The following PRICKLE2 variants were observed in gnomAD, a reference collection of about 807,000 sequenced individuals.
The protein encoded by PRICKLE2 is prickle planar cell polarity protein 2.
PRICKLE2 carries 21 observed loss-of-function variants against 81.4 expected under a neutral mutation model. That is an observed-to-expected ratio of 0.26 (90% confidence interval 0.18 to 0.37). The LOEUF (loss-of-function observed/expected upper bound fraction) is 0.37. Ranked by LOEUF, PRICKLE2 falls within the 10% of genes least tolerant of loss-of-function variation. The pLI is 1.00. For missense variants in PRICKLE2, 940 were observed against 1,109.0 expected, an observed-to-expected ratio of 0.85 and a Z score of 2.16; for synonymous variants, 456 against 421.5, an observed-to-expected ratio of 1.08 and a Z score of -1.00.
chr3:64,117,617 T>G (rs1406681121), intron 7 of PRICKLE2, among the ~76,000 whole-genome samples: 2 of 152,002 alleles, frequency 1.3e-5, no homozygotes, highest in African/African-American at 4.8e-5. Flanking sequence ...ACAAAAAGAA[T>G]ACATTACCTA....
chr3:64,161,597 A>G (rs903513025), intron 3 of PRICKLE2, among the ~76,000 whole-genome samples: 1 of 152,124 alleles, frequency 6.6e-6, no homozygotes, highest in African/African-American at 2.4e-5. Context: ...ATTCCTACCA[A>G]TGGGACATTG....
rs112456996 is a variant in PRICKLE2, at chr3:64,235,923, C to T, written c.129-36956G>A. Among the ~76,000 whole-genome samples the T allele has an allele frequency of 6.1e-3, 923 of 151,928 alleles. 11 individuals are homozygous for T. Among genetic ancestry groups the T allele is most frequent in the African/African-American group, 0.021 (854 of 41,420 alleles). On this transcript the variant is annotated intron_variant, in intron 2 of 8. Coordinates refer to the PRICKLE2 transcript ENST00000295902. ...GTGGAGTTTCCATCACACTGATCTGCGTTGTGTGTGTGTAGTTGGGGGAGG... is the reference window on the plus strand; with the variant it reads ...GTGGAGTTTCCATCACACTGATCTGTGTTGTGTGTGTGTAGTTGGGGGAGG...
chr3:64,266,932 G>C, intron 2 of PRICKLE2, among the ~76,000 whole-genome samples: 1 of 126,812 alleles, frequency 7.9e-6, no homozygotes, highest in African/African-American at 3.2e-5. Flanking sequence ...TCTTCCAGCT[G>C]CCTCATCTTA....
intron 1 of PRICKLE2, among the ~76,000 whole-genome samples, chr3:64,201,207 G>T (rs1053806964): frequency 6.6e-6 from 1 of 152,150 alleles, no homozygotes; most frequent in Non-Finnish European, 1.5e-5. Flanking sequence ...AGGATTACAG[G>T]CATGAGCCAC....
At chr3:64,226,441 C>T (rs928002033), upstream of PRICKLE2, among the ~76,000 whole-genome samples, 5 of 152,168 alleles carry the variant, frequency 3.3e-5, no homozygotes, top group African/African-American at 1.2e-4. Flanking sequence ...GTGGGATCTT[C>T]AATAACCTCA....
chr3:64,240,846 G>A (rs917032890), intron 2 of PRICKLE2, among the ~76,000 whole-genome samples: 1 of 152,146 alleles, frequency 6.6e-6, no homozygotes, highest in African/African-American at 2.4e-5. Context: ...TTCATTTGGA[G>A]AACCAATGGT....
intron 1 of PRICKLE2, among the ~76,000 whole-genome samples, chr3:64,203,289 A>G (rs1371462704): frequency 1.3e-5 from 2 of 152,186 alleles, no homozygotes; most frequent in Non-Finnish European, 2.9e-5. Flanking sequence ...TAACTCTTTA[A>G]TTAATCAGCT....
chr3:64,193,463 A>G (rs753336160), intron 2 of PRICKLE2, among the ~76,000 whole-genome samples: 1 of 152,224 alleles, frequency 6.6e-6, no homozygotes, highest in Non-Finnish European at 1.5e-5. Flanking sequence ...CTATCGAACC[A>G]TTACAAAGGA....
chr3:64,123,846 A>G (rs746586183), intron 7 of PRICKLE2, among the ~76,000 whole-genome samples: 7 of 152,246 alleles, frequency 4.6e-5, no homozygotes, highest in African/African-American at 1.7e-4. Context: ...TCTCAGGTCT[A>G]TTTCCTGAGA....
At chr3:64,176,605 TA>T (rs1217689385) in intron 2 of PRICKLE2, among the ~76,000 whole-genome samples, 1 of 152,220 alleles carries the variant, frequency 6.6e-6, no homozygotes, top group African/African-American at 2.4e-5. Flanking sequence ...GACTGGAGCT[TA>T]CTGATCACAG....
chr3:64,119,040 A>G (rs931271302), intron 7 of PRICKLE2, among the ~76,000 whole-genome samples: 2 of 152,248 alleles, frequency 1.3e-5, no homozygotes, highest in Admixed American at 1.3e-4. Flanking sequence ...CTATGCAGCC[A>G]TAAAAAAGAA....
intron 2 of PRICKLE2, among the ~76,000 whole-genome samples, chr3:64,236,920 T>A (rs1173450658): frequency 6.6e-6 from 1 of 152,222 alleles, no homozygotes. Context: ...TAATCATAGA[T>A]CTTCCCACTT....
In PRICKLE2 at chr3:64,147,810, G is replaced by T; in HGVS notation, c.788-108C>A. ...TGTCTCAGGATTCCAGGTGCGGCAG[G>T]ATAAACTGTCAATAAATCAACAATC... On this transcript the variant is annotated intron_variant, in intron 6 of 7. Coordinates refer to ENST00000638394, the MANE Select transcript of PRICKLE2 (RefSeq NM_198859.4). This position sits in a 1 kb window ranked among gnomAD's most constrained non-coding sequence, Gnocchi z 5.0. 8.5e-7 allele frequency: 1 copy of T among 1,172,734 alleles called. No homozygotes were observed. Among genetic ancestry groups the T allele is most frequent in the Non-Finnish European group, 1.3e-6 (1 of 789,964 alleles). 72.6% of individuals were successfully genotyped at this position (1,172,734 alleles called of 1,614,324 possible). A position where few individuals can be genotyped will look rare whatever the true frequency, so the allele number is the denominator to read the frequency against.
At chr3:64,213,638 C>T (rs535501754) in intron 1 of PRICKLE2, among the ~76,000 whole-genome samples, 85 of 152,216 alleles carry the variant, frequency 5.6e-4, no homozygotes, top group Admixed American at 1.9e-3. Flanking sequence ...ACTCATTTTC[C>T]CCTGAGCCCA....
At chr3:64,236,243 G>C (rs1398565868) in intron 2 of PRICKLE2, among the ~76,000 whole-genome samples, 1 of 152,078 alleles carries the variant, frequency 6.6e-6, no homozygotes, top group Non-Finnish European at 1.5e-5. Flanking sequence ...GCTGCTTTAT[G>C]TCAGTTTTAT....
intron 2 of PRICKLE2, chr3:64,190,398 T>TC (rs1176458409): frequency 2.9e-5 from 2 of 68,252 alleles, no homozygotes; most frequent in Non-Finnish European, 7.8e-5. Flanking sequence ...CACTATGTTT[T>TC]TTTAAAAAAA....
At chr3:64,245,872 T>C (rs1309835759) in intron 2 of PRICKLE2, among the ~76,000 whole-genome samples, 7 of 152,190 alleles carry the variant, frequency 4.6e-5, no homozygotes, top group Admixed American at 4.6e-4. Flanking sequence ...AACCTAGTTA[T>C]TTCTGCAAAG....
chr3:64,172,434 C>A (rs1245621975), intron 2 of PRICKLE2, among the ~76,000 whole-genome samples: 2 of 152,218 alleles, frequency 1.3e-5, no homozygotes, highest in Non-Finnish European at 2.9e-5. Context: ...TTGGACTCTG[C>A]AGTCAGATTG....
upstream of PRICKLE2, among the ~76,000 whole-genome samples, chr3:64,229,086 C>CT (rs1327637220): frequency 6.6e-5 from 10 of 152,272 alleles, no homozygotes; most frequent in African/African-American, 2.4e-4. Context: ...TCACCTTCTG[C>CT]TAGAGGTGTT....
Sources: gnomAD v4.1 joint callset for allele counts (sites outside exome capture counted in the v4.1 genomes callset) on GRCh38, gnomAD v4.1.1 for gene constraint, Gnocchi (gnomAD v3.1) non-coding constraint, MANE v1.5 for transcripts, NCBI Gene and HGNC (gene_info 2026-07-23, HGNC 2026-07-21) for gene names.